The following NLGN1 variants were observed in gnomAD, a reference collection of about 807,000 sequenced individuals.
NLGN1 encodes the protein neuroligin 1, also known as neuroligin-1.
Under a neutral mutation model 65.5 loss-of-function variants are expected in NLGN1, and 12 were observed. That is an observed-to-expected ratio of 0.18 (90% CI 0.12 to 0.30). NLGN1 has a LOEUF of 0.30. Among genes scored for constraint, NLGN1 ranks in the 10% least tolerant of loss-of-function variants. The pLI, the probability that NLGN1 is intolerant of heterozygous loss-of-function variation, is 1.00. For missense variants in NLGN1, 750 were observed against 1,007.1 expected, an observed-to-expected ratio of 0.74 and a Z score of 3.46; for synonymous variants, 350 against 359.5, an observed-to-expected ratio of 0.97 and a Z score of 0.30.
At chr3:174,172,996 G>A (rs940268823) in intron 4 of NLGN1, among the ~76,000 whole-genome samples, 5 of 152,062 alleles carry the variant, frequency 3.3e-5, no homozygotes, top group Non-Finnish European at 7.4e-5. Flanking sequence ...ATTTCGTGCA[G>A]CAACAATGTT....
At chr3:173,937,120 C>T (rs1454972314) in intron 4 of NLGN1, among the ~76,000 whole-genome samples, 1 of 152,004 alleles carries the variant, frequency 6.6e-6, no homozygotes, top group Non-Finnish European at 1.5e-5. Flanking sequence ...GGTCCCAGAG[C>T]ATTCAGTGAG....
At chr3:174,101,251 T>C (rs1337685079) in intron 4 of NLGN1, among the ~76,000 whole-genome samples, 1 of 152,148 alleles carries the variant, frequency 6.6e-6, no homozygotes, top group East Asian at 1.9e-4. Context: ...GTTAAAGAGT[T>C]ACTTCGGACG....
At chr3:173,866,039 G>A (rs1450346682) in intron 4 of NLGN1, among the ~76,000 whole-genome samples, 1 of 152,142 alleles carries the variant, frequency 6.6e-6, no homozygotes, top group African/African-American at 2.4e-5. Context: ...AGTTGAATCA[G>A]CCCCCTAAAG....
chr3:174,033,740 C>T (rs561485350), intron 4 of NLGN1, among the ~76,000 whole-genome samples: 18 of 152,114 alleles, frequency 1.2e-4, no homozygotes, highest in African/African-American at 3.1e-4. Flanking sequence ...GATAGGACAA[C>T]GGAAACTTCC....
chr3:173,807,176 A>G (rs1716849776), intron 3 of NLGN1, among the ~76,000 whole-genome samples: 1 of 152,164 alleles, frequency 6.6e-6, no homozygotes, highest in Non-Finnish European at 1.5e-5. Context: ...TATGTTCACA[A>G]ATTGGAGCAT....
intron 4 of NLGN1, among the ~76,000 whole-genome samples, chr3:173,809,776 A>G (rs2150462525): frequency 6.6e-6 from 1 of 152,326 alleles, no homozygotes; most frequent in South Asian, 2.1e-4. Flanking sequence ...CCCATTTTAA[A>G]TGCCGCACTG....
chr3:173,898,395 G>T (rs933931627), intron 4 of NLGN1, among the ~76,000 whole-genome samples: 2 of 152,170 alleles, frequency 1.3e-5, no homozygotes, highest in Non-Finnish European at 2.9e-5. Context: ...AAGGCAAATC[G>T]TGTGCATCTC....
At chr3:173,529,892 G>T (rs1247223938) in intron 2 of NLGN1, among the ~76,000 whole-genome samples, 3 of 152,024 alleles carry the variant, frequency 2.0e-5, no homozygotes, top group African/African-American at 7.3e-5. Context: ...GAGTGGTCAG[G>T]TGTCAGTGGT....
intron 4 of NLGN1, among the ~76,000 whole-genome samples, chr3:173,952,420 G>C (rs552136051): frequency 6.6e-6 from 1 of 152,218 alleles, no homozygotes; most frequent in South Asian, 2.1e-4. Flanking sequence ...TTTTATTCCT[G>C]AATCTTGTCA....
At chr3:174,010,822 TA>T (rs1560836174) in intron 4 of NLGN1, among the ~76,000 whole-genome samples, 1 of 152,144 alleles carries the variant, frequency 6.6e-6, no homozygotes, top group Non-Finnish European at 1.5e-5. Context: ...ATATAAAATG[TA>T]AAAGCCTAGA....
chr3:174,168,292 C>T (rs1234832018), intron 4 of NLGN1, among the ~76,000 whole-genome samples: 2 of 152,112 alleles, frequency 1.3e-5, no homozygotes, highest in Non-Finnish European at 2.9e-5. Flanking sequence ...TTAGATTTTT[C>T]GTGGTGACAG....
At chr3:173,735,701 A>G (rs1560264565) in intron 3 of NLGN1, among the ~76,000 whole-genome samples, 1 of 152,052 alleles carries the variant, frequency 6.6e-6, no homozygotes, top group Admixed American at 6.6e-5. Context: ...CCTTTTTCAC[A>G]GGAGGCTGTG....
At chr3:173,835,509 A>C (rs147052692) in intron 4 of NLGN1, among the ~76,000 whole-genome samples, 12 of 151,706 alleles carry the variant, frequency 7.9e-5, no homozygotes, top group African/African-American at 2.7e-4. Context: ...TTTAATAGAG[A>C]TAAAGCATAT....
At chr3:173,555,506 G>T (rs930659869) in intron 2 of NLGN1, among the ~76,000 whole-genome samples, 4 of 151,848 alleles carry the variant, frequency 2.6e-5, no homozygotes, top group African/African-American at 9.7e-5. Context: ...TTGAGACTAG[G>T]TCTCACTCTG....
chr3:174,119,067 A>G (rs900806457), intron 4 of NLGN1, among the ~76,000 whole-genome samples: 1 of 152,186 alleles, frequency 6.6e-6, no homozygotes, highest in Admixed American at 6.5e-5. Context: ...TAGAACATGT[A>G]TGGTTAAATT....
At chr3:173,912,598 T>G (rs192762183) in intron 4 of NLGN1, 4 of 152,108 alleles carry the variant, frequency 2.6e-5, no homozygotes, top group African/African-American at 9.7e-5. Flanking sequence ...CTAAAAACAT[T>G]GGAAAAACAA....
chr3:173,491,197 T>G (rs1449124526), intron 2 of NLGN1, among the ~76,000 whole-genome samples: 2 of 151,828 alleles, frequency 1.3e-5, no homozygotes, highest in Non-Finnish European at 2.9e-5. Flanking sequence ...ATACTTCCAG[T>G]TTTTGTCCAT....
chr3:174,132,676 G>A (rs574273595), intron 4 of NLGN1, among the ~76,000 whole-genome samples: 1 of 152,258 alleles, frequency 6.6e-6, no homozygotes, highest in East Asian at 1.9e-4. Flanking sequence ...CACTGCCTCA[G>A]GAGTCAGCAA....
At chr3:174,112,239 C>T (rs1467863117) in intron 4 of NLGN1, among the ~76,000 whole-genome samples, 1 of 151,754 alleles carries the variant, frequency 6.6e-6, no homozygotes, top group Admixed American at 6.6e-5. Flanking sequence ...GTTGAAATGT[C>T]TAGTTGAAGA....
Sources: allele counts gnomAD v4.1 joint callset (sites outside exome capture counted in the v4.1 genomes callset), GRCh38; gene constraint gnomAD v4.1.1; transcripts MANE v1.5; gene names NCBI Gene and HGNC (gene_info 2026-07-23, HGNC 2026-07-21).